SGCG: variants seen among roughly 807,000 people sequenced by gnomAD.
SGCG encodes the protein sarcoglycan gamma.
A neutral mutation model predicts 29.3 loss-of-function variants in SGCG; 26 were observed. The ratio of observed to expected loss-of-function variants is 0.89; its 90% CI spans 0.65 to 1.23. SGCG has a LOEUF of 1.23. Ranked by LOEUF, SGCG falls within the 50% of genes most tolerant of loss-of-function variation. The probability of loss-of-function intolerance (pLI) is 0.00; values close to 1 mark genes in which losing one functional copy is unlikely to be tolerated. For synonymous variants in SGCG, 145 were observed against 129.7 expected (o/e 1.12, Z -0.80); for missense variants, 353 against 356.0 (o/e 0.99, Z 0.07).
chr13:23,292,014 A>G (rs539217136), intron 5 of SGCG, among the ~76,000 whole-genome samples: 211 of 152,324 alleles, frequency 1.4e-3, no homozygotes, highest in African/African-American at 4.9e-3. Context: ...TGTGACACCA[A>G]GAGTTCTACC....
In SGCG at chr13:23,324,738, C is replaced by G. The variant is rs899735714; in HGVS notation, c.*197C>G. 1.8e-5 allele frequency: 11 copies of G among 599,878 alleles called. No individual in the cohort carries two copies. The highest frequency in any genetic ancestry group is 3.3e-5 in the Non-Finnish European group (11 of 335,178). 37.2% of individuals were successfully genotyped at this position (599,878 alleles called of 1,614,324 possible). On this transcript the variant is annotated 3_prime_UTR_variant, in exon 8 of 8. Transcript: ENST00000218867. ...TCTCAAAATGCACGTGGATGTGAGA[C>G]ACAAAAGTTGACAAAATGGAAAAGC...
chr13:23,275,226 A>T (rs1403785623), intron 4 of SGCG, among the ~76,000 whole-genome samples: 1 of 151,336 alleles, frequency 6.6e-6, no homozygotes, highest in African/African-American at 2.4e-5. Flanking sequence ...GTTAAAAGTG[A>T]TCATCTGGCT....
Position 23,324,389 on chromosome 13 carries a change from G to C in SGCG, c.724G>C (p.Val242Leu), listed in dbSNP as rs749427753. The change falls in exon 8 of 8, where the codon GTG becomes CTG. Residue 242 changes from valine to leucine, a missense_variant. By Grantham distance (32) the Val-to-Leu change is conservative (BLOSUM62 1). Coordinates refer to ENST00000218867, the MANE Select transcript of SGCG (RefSeq NM_000231.3). ...DGMLVLDAET[V>L]CLPKLVQGTW... The stretch of plus-strand genomic sequence containing the variant: ...CCAGCTTGTGCTTGATGCTGAAACT[G>C]TGTGCTTACCCAAGCTGGTGCAGGG... The C allele has an allele frequency of 6.2e-7, 1 of 1,614,184 alleles. No homozygotes were observed. The highest frequency in any genetic ancestry group is 8.5e-7 in the Non-Finnish European group (1 of 1,180,030).
At chr13:23,236,693 T>C (rs912705025) in intron 3 of SGCG, among the ~76,000 whole-genome samples, 12 of 151,562 alleles carry the variant, frequency 7.9e-5, no homozygotes, top group African/African-American at 2.4e-4. Flanking sequence ...ATAATAACAA[T>C]AATAATAATA....
At chr13:23,205,855 T>C (rs1877963550) in intron 2 of SGCG, among the ~76,000 whole-genome samples, 1 of 152,190 alleles carries the variant, frequency 6.6e-6, no homozygotes, top group African/African-American at 2.4e-5. Flanking sequence ...TCTTTAGTGC[T>C]GTCTTTAACA....
chr13:23,188,951 T>C (rs913497861), intron 1 of SGCG, among the ~76,000 whole-genome samples: 4 of 152,176 alleles, frequency 2.6e-5, no homozygotes, highest in African/African-American at 7.2e-5. Context: ...TTCTTTACGA[T>C]ACCTCTGGTT....
chr13:23,299,790 A>T (rs531912034), intron 6 of SGCG, among the ~76,000 whole-genome samples: 4 of 152,116 alleles, frequency 2.6e-5, no homozygotes, highest in Non-Finnish European at 5.9e-5. Flanking sequence ...ATTTGCAAGG[A>T]AAGTATGAAC....
chr13:23,314,425 AATAAG>A lies in SGCG; in HGVS notation c.579-6208_579-6204del, dbSNP rs1472675626. On this transcript the variant is annotated intron_variant, in intron 6 of 7. Coordinates refer to ENST00000218867, the MANE Select transcript of SGCG (RefSeq NM_000231.3). Reference sequence around the variant, plus strand: ...ATATATATAATCTTATTCTGTCCCTAATAAGATATGTATATAAGATATATATAAAG... The same window carrying A: ...ATATATATAATCTTATTCTGTCCCTAATATGTATATAAGATATATATAAAG... Among the ~76,000 whole-genome samples the A allele has an allele frequency of 8.1e-5, 7 of 85,912 alleles. No individual in the cohort carries two copies. The Admixed American group carries it at 8.4e-4, about 10-fold the overall frequency. 56.4% of individuals were successfully genotyped at this position (85,912 alleles called of 152,430 possible). A position where few individuals can be genotyped will look rare whatever the true frequency, so the allele number is the denominator to read the frequency against.
intron 1 of SGCG, among the ~76,000 whole-genome samples, chr13:23,199,710 A>G (rs1399395836): frequency 6.6e-6 from 1 of 151,898 alleles, no homozygotes; most frequent in African/African-American, 2.4e-5. Flanking sequence ...GGCTGTCATA[A>G]AACGATATAA....
At chr13:23,244,310 T>A (rs1879618779) in intron 3 of SGCG, 1 of 152,190 alleles carries the variant, frequency 6.6e-6, no homozygotes, top group South Asian at 2.1e-4. Context: ...ACTTTTGTGC[T>A]CATAAAGCCA....
chr13:23,315,974 C>T (rs1882793541), intron 6 of SGCG, among the ~76,000 whole-genome samples: 1 of 152,184 alleles, frequency 6.6e-6, no homozygotes, highest in Non-Finnish European at 1.5e-5. Context: ...CAGTCTCTTT[C>T]CCCAGTCACC....
chr13:23,246,027 G>A (rs1274832976), intron 3 of SGCG: 2 of 153,642 alleles, frequency 1.3e-5, no homozygotes, highest in Admixed American at 6.5e-5. Context: ...AGTCTTCTTG[G>A]TATCCCTCCT....
At chr13:23,256,014 A>G (rs985838051) in intron 4 of SGCG, among the ~76,000 whole-genome samples, 5 of 152,192 alleles carry the variant, frequency 3.3e-5, no homozygotes, top group Admixed American at 6.5e-5. Flanking sequence ...CAGATTCTCT[A>G]TAACCAAGGA....
At chr13:23,319,206 G>A (rs1676047432) in intron 6 of SGCG, among the ~76,000 whole-genome samples, 2 of 151,838 alleles carry the variant, frequency 1.3e-5, no homozygotes, top group African/African-American at 2.4e-5. Flanking sequence ...GCTGAGGCAG[G>A]AGAATCGCCT....
chr13:23,246,091 AGC>A, intron 3 of SGCG: 1 of 152,460 alleles, frequency 6.6e-6, no homozygotes, highest in Non-Finnish European at 1.4e-5. Context: ...CAGCAGCAGC[AGC>A]AGCAACAACA....
intron 6 of SGCG, among the ~76,000 whole-genome samples, chr13:23,315,483 C>T (rs967344267): frequency 6.6e-6 from 1 of 152,184 alleles, no homozygotes; most frequent in South Asian, 2.1e-4. Flanking sequence ...CACCAATGGC[C>T]TCATGGGGAG....
chr13:23,223,276 C>CAAA (rs10569811), intron 2 of SGCG, among the ~76,000 whole-genome samples: 83 of 103,720 alleles, frequency 8.0e-4, no homozygotes, highest in African/African-American at 1.0e-3. Flanking sequence ...GACTCTGTCA[C>CAAA]AAAAAAAAAA....
the SGCG span, among the ~76,000 whole-genome samples, chr13:23,164,744 T>C: frequency 6.6e-6 from 1 of 152,138 alleles, no homozygotes; most frequent in African/African-American, 2.4e-5. Context: ...CTACTCCCTT[T>C]AGAAGCAATT....
Position 23,231,540 on chromosome 13 carries a change from C to T in SGCG, c.196-3071C>T, listed in dbSNP as rs372737105. 6.6e-5 allele frequency among the ~76,000 whole-genome samples: 10 copies of T among 152,146 alleles called. No individual in the cohort carries two copies. The East Asian group carries it at 7.7e-4, about 12-fold the overall frequency. On this transcript the variant is annotated intron_variant, in intron 2 of 7. Coordinates refer to ENST00000218867, the MANE Select transcript of SGCG (RefSeq NM_000231.3). ...ACTGCCACCATATGTTTACTTGAAC[C>T]CAGAAATTTGGCAGCAAATTTTTGG...
Sources: allele counts gnomAD v4.1 joint callset (sites outside exome capture counted in the v4.1 genomes callset), GRCh38; gene constraint gnomAD v4.1.1; transcripts MANE v1.5; gene names NCBI Gene and HGNC (gene_info 2026-07-23, HGNC 2026-07-21).